Variants in MYH13 observed in about 807,000 individuals in gnomAD.
MYH13 encodes the protein myosin-13.
A neutral mutation model predicts 232.1 loss-of-function variants in MYH13; 177 were observed. That is an observed-to-expected ratio of 0.76 (90% confidence interval 0.67 to 0.86). MYH13 has a LOEUF of 0.86. MYH13 is among the 40% of genes least tolerant of loss of function. The pLI, the probability that MYH13 is intolerant of heterozygous loss-of-function variation, is 0.00. For missense variants in MYH13, 2,246 were observed against 2,405.9 expected (o/e 0.93, Z 1.39); for synonymous variants, 884 against 923.5 (o/e 0.96, Z 0.78).
chr17:10,338,001 C>A (rs935818515), intron 18 of MYH13, among the ~76,000 whole-genome samples: 1 of 151,898 alleles, frequency 6.6e-6, no homozygotes, highest in Admixed American at 6.6e-5. Context: ...TGCAGTGAGC[C>A]GAGATCGTGC....
Position 10,301,630 on chromosome 17 carries a change from G to A in MYH13, c.5741C>T (p.Ala1914Val), listed in dbSNP as rs1038428614. 12 of 1,614,060 alleles carry A rather than the reference G, an allele frequency of 7.4e-6. No individual in the cohort carries two copies. The highest frequency in any genetic ancestry group is 1.0e-5 in the Non-Finnish European group (12 of 1,180,046). Residue 1914 changes from alanine (A) to valine (V), a missense_variant, in exon 40 of 41, where the codon GCG becomes GTG. Transcript: ENST00000252172. ...QHELEEAAER[A>V]DIAESQVNKL... ...GTTGACCTGGGACTCAGCGATGTCC[G>A]CCCTCTCCGCGGCCTCCTCTAGCTC...
chr17:10,365,840 G>GGTGTGTGTGTGT (rs150455118), intron 2 of MYH13, among the ~76,000 whole-genome samples: 6 of 140,192 alleles, frequency 4.3e-5, no homozygotes, highest in African/African-American at 1.1e-4. Context: ...CTTGCTGCAT[G>GGTGTGTGTGTGT]GTGTGTGTGT....
chr17:10,366,864 A>T lies in MYH13; in HGVS notation c.-12-2322T>A, dbSNP rs554913271. The stretch of plus-strand genomic sequence containing the variant: ...TGGGGTTCTGTCTTACAGAAAGAAA[A>T]GCATCCACTTCCCATGGGGCCTTAT... On this transcript the variant is annotated intron_variant, in intron 2 of 40. Transcript: ENST00000252172. Among the ~76,000 whole-genome samples the T allele has an allele frequency of 2.0e-5, 3 of 152,330 alleles. No homozygotes were observed. The East Asian group carries it at 5.8e-4, about 29-fold the overall frequency.
chr17:10,333,534 G>A (rs376546749), intron 18 of MYH13, among the ~76,000 whole-genome samples: 2 of 152,022 alleles, frequency 1.3e-5, no homozygotes, highest in South Asian at 2.1e-4. Context: ...GGGATAACCC[G>A]AGATGTCTTC....
intron 8 of MYH13, among the ~76,000 whole-genome samples, chr17:10,356,907 A>G (rs576620095): frequency 2.0e-5 from 3 of 152,326 alleles, no homozygotes; most frequent in African/African-American, 7.2e-5. Context: ...ACCTAAGTAA[A>G]AAGTTGAAGG....
At chr17:10,356,864 G>C (rs751057505) in intron 8 of MYH13, among the ~76,000 whole-genome samples, 2 of 152,200 alleles carry the variant, frequency 1.3e-5, no homozygotes, top group African/African-American at 4.8e-5. Context: ...GTTTATTTCC[G>C]ATGGGAAGTA....
rs1487630705 is a variant in MYH13, at chr17:10,321,676, A to C, written c.2967T>G (p.Leu989=). Residue 989 remains leucine, a synonymous_variant, in exon 24 of 41, where the codon CTT becomes CTG. Transcript: ENST00000252172. The part of the protein sequence containing the change: ...VKNLSEEMTA[L]EENISKLTKE... The stretch of plus-strand genomic sequence containing the variant: ...TGGTCAATTTGGAAATGTTTTCTTC[A>C]AGTGCTGTCATTTCTTCGGAAAGAT... 2 of 1,613,430 alleles carry C rather than the reference A, an allele frequency of 1.2e-6. No homozygotes were observed. Among genetic ancestry groups the C allele is most frequent in the East Asian group, 4.5e-5 (2 of 44,870 alleles).
rs550917059 is a variant in MYH13 at position 10,371,811 on chromosome 17, A to T, written c.-63-552T>A. Among the ~76,000 whole-genome samples, 26 of 152,226 alleles carry T rather than the reference A, an allele frequency of 1.7e-4. 1 individual carries two copies. The Middle Eastern group carries it at 0.014, about 80-fold the overall frequency. Reference sequence around the variant, plus strand: ...GAAAAGTTATAAATTGTGGACAAAGACTTCTTTATTCTCTTCAATGCTCTA... The same window carrying T: ...GAAAAGTTATAAATTGTGGACAAAGTCTTCTTTATTCTCTTCAATGCTCTA... On this transcript the variant is annotated intron_variant, in intron 1 of 40. Transcript: ENST00000252172.
intron 30 of MYH13, 141 bp from the exon 31 acceptor site, chr17:10,312,898 G>C (rs1333807305): frequency 1.8e-6 from 2 of 1,138,900 alleles, no homozygotes; most frequent in Non-Finnish European, 2.4e-6. Context: ...TGAGTGGGGA[G>C]GATCCAAGTG....
chr17:10,309,090 C>T (rs1448798662), intron 35 of MYH13, 144 bp downstream of exon 35: 2 of 760,384 alleles, frequency 2.6e-6, no homozygotes, highest in Non-Finnish European at 4.0e-6. Context: ...GAAAATTTGT[C>T]TTGACCACTA....
rs766304568 is a variant in MYH13, at chr17:10,350,629, G to A, written c.1071C>T (p.Ala357=). The change falls in exon 12 of 41, where the codon GCC becomes GCT. Residue 357 remains alanine (A), a synonymous_variant. Transcript: ENST00000252172. ...EKVGIYKLTG[A]VMHYGNMKFK... The stretch of plus-strand genomic sequence containing the variant: ...ACTTCATGTTCCCATAATGCATCAC[G>A]GCTCCCGTCAGTTTGTAGATCCCGA... The A allele has an allele frequency of 6.2e-7, 1 of 1,613,672 alleles. No individual in the cohort carries two copies. Among genetic ancestry groups the A allele is most frequent in the South Asian group, 1.1e-5 (1 of 91,052 alleles).
rs761982304 is a variant in MYH13 at position 10,340,377 on chromosome 17, C to G, written c.1919G>C (p.Gly640Ala). 6.2e-7 allele frequency: 1 copy of G among 1,613,854 alleles called. No individual in the cohort carries two copies. Among genetic ancestry groups the G allele is most frequent in the Non-Finnish European group, 8.5e-7 (1 of 1,179,830 alleles). The change falls in exon 17 of 41, where the codon GGC (glycine) becomes GCC (alanine). Residue 640 changes from glycine (G) to alanine (A), a missense_variant. By Grantham distance (60) the Gly-to-Ala change is moderately conservative (BLOSUM62 0). Transcript: ENST00000252172. ...GAAAGAGGAGCCCTTCTTCTTCCCG[C>G]CCTTCTTGCTTCCTCCGGAGTCGCC... ...ETGDSGGSKK[G>A]GKKKGSSFQT...
chr17:10,309,814 T>G lies in MYH13; in HGVS notation c.4673A>C (p.Glu1558Ala). 1 of 1,582,418 alleles carries G rather than the reference T, an allele frequency of 6.3e-7. No individual in the cohort carries two copies. Among genetic ancestry groups the G allele is most frequent in the East Asian group, 2.3e-5 (1 of 43,586 alleles). Reference sequence around the variant, plus strand: ...CTGCACGCGCAAGATCTTGCTCTCCTCGTGTTCCAAGGAACCCTGACGAAA... The same window carrying G: ...CTGCACGCGCAAGATCTTGCTCTCCGCGTGTTCCAAGGAACCCTGACGAAA... ...LEEVEGSLEH[E>A]ESKILRVQLE... is the part of the protein sequence containing the mutation. Residue 1558 changes from glutamate to alanine, a missense_variant, in exon 34 of 41, where the codon GAG becomes GCG. Glu to Ala is a moderately radical substitution (Grantham distance 107). Transcript: ENST00000252172.
chr17:10,350,515 A>G (rs745768291), intron 12 of MYH13, 41 bp downstream of exon 12: 18 of 1,599,290 alleles, frequency 1.1e-5, no homozygotes, highest in African/African-American at 1.3e-5. Context: ...GCACATGAAC[A>G]TAGATGGACC....
Position 10,364,477 on chromosome 17 carries a change from C to T in MYH13, c.54G>A (p.Arg18=), listed in dbSNP as rs745361411. 7 of 1,611,374 alleles carry T rather than the reference C, an allele frequency of 4.3e-6. No individual in the cohort carries two copies. The highest frequency in any genetic ancestry group is 5.9e-6 in the Non-Finnish European group (7 of 1,178,740). ...CCTCGATTCTCTCCTTCTCTGGTTTCCGGAGGTAGGGAGCTGCTTCTCCAA... is the reference window on the plus strand; with the variant it reads ...CCTCGATTCTCTCCTTCTCTGGTTTTCGGAGGTAGGGAGCTGCTTCTCCAA... ...AIFGEAAPYL[R]KPEKERIEAQ... is the part of the protein sequence containing the mutation. Residue 18 remains arginine, a synonymous_variant, in exon 3 of 41, where the codon CGG becomes CGA. Transcript: ENST00000252172.
At chr17:10,363,431 A>G (rs981326031) in intron 3 of MYH13, among the ~76,000 whole-genome samples, 7 of 152,196 alleles carry the variant, frequency 4.6e-5, no homozygotes, top group Non-Finnish European at 8.8e-5. Context: ...TTCACAGAAA[A>G]GATAAAAGGA....
At chr17:10,371,618 G>A (rs913073823) in intron 1 of MYH13, among the ~76,000 whole-genome samples, 6 of 152,162 alleles carry the variant, frequency 3.9e-5, no homozygotes, top group African/African-American at 1.4e-4. Flanking sequence ...CTTTGAACAG[G>A]ATTAAGACAA....
chr17:10,301,715 A>G lies in MYH13; in HGVS notation c.5668-12T>C. The G allele has an allele frequency of 6.2e-7, 1 of 1,612,554 alleles. No individual in the cohort carries two copies. The highest frequency in any genetic ancestry group is 8.5e-7 in the Non-Finnish European group (1 of 1,179,808). ...TTGGCCTGCTCCTCCTGCACAGGAG[A>G]CAGAGGGGGTATGACGCTGTAGAGC... On this transcript the variant is annotated splice_polypyrimidine_tract_variant and intron_variant, in intron 39 of 40. Coordinates refer to ENST00000252172, the MANE Select transcript of MYH13 (RefSeq NM_003802.3).
intron 15 of MYH13, 82 bp from the exon 16 acceptor site, chr17:10,344,191 G>A: frequency 3.3e-6 from 5 of 1,534,418 alleles, no homozygotes; most frequent in South Asian, 1.3e-5. Context: ...ACCTTCTTTG[G>A]TGCTTTCACT....
Sources: allele counts gnomAD v4.1 joint callset (sites outside exome capture counted in the v4.1 genomes callset), GRCh38; gene constraint gnomAD v4.1.1; transcripts MANE v1.5; gene names NCBI Gene and HGNC (gene_info 2026-07-23, HGNC 2026-07-21).